The following CADPS variants were observed in gnomAD, a reference collection of about 807,000 sequenced individuals.
CADPS encodes calcium-dependent secretion activator 1.
A neutral mutation model predicts 167.3 loss-of-function variants in CADPS; 57 were observed. That is an observed-to-expected ratio of 0.34 (90% CI 0.28 to 0.42). CADPS has a LOEUF of 0.42. CADPS is among the 20% of genes least tolerant of loss of function. The pLI is 1.00. For synonymous variants in CADPS, 676 were observed against 635.3 expected (o/e 1.06, Z -0.96); for missense variants, 1,414 against 1,738.1 (o/e 0.81, Z 3.32).
intron 12 of CADPS, among the ~76,000 whole-genome samples, chr3:62,533,853 C>T (rs559831290): frequency 6.6e-6 from 1 of 152,182 alleles, no homozygotes; most frequent in African/African-American, 2.4e-5. Flanking sequence ...CTGAGAGGAA[C>T]TTCTTGTGTC....
intron 8 of CADPS, among the ~76,000 whole-genome samples, chr3:62,572,914 C>T (rs911686092): frequency 6.6e-6 from 1 of 152,132 alleles, no homozygotes; most frequent in African/African-American, 2.4e-5. Flanking sequence ...TGGAGTTGCA[C>T]TCCGTCACCC....
chr3:62,449,536 G>A (rs2057737359), intron 26 of CADPS, among the ~76,000 whole-genome samples: 1 of 151,828 alleles, frequency 6.6e-6, no homozygotes, highest in African/African-American at 2.4e-5. Flanking sequence ...ATGTCTTTTT[G>A]CCAGCTATAC....
In CADPS at chr3:62,465,239, T is replaced by G. The variant is rs949979453; in HGVS notation, c.3636+128A>C. On this transcript the variant is annotated intron_variant, in intron 26 of 29. Transcript: ENST00000383710. The surrounding 1 kb of genome is among the most constrained non-coding windows in gnomAD (Gnocchi z 4.1). ...TTGGCTTTTCACATAGTGTTAATAT[T>G]ATACAATAGTTGACTATAATTAACA... 24 of 621,962 alleles carry G rather than the reference T, an allele frequency of 3.9e-5. No homozygotes were observed. The highest frequency in any genetic ancestry group is 1.2e-4 in the Admixed American group (4 of 34,468). The allele number at this position is 621,962 out of a possible 1,614,324, so 38.5% of individuals were successfully genotyped here. A position where few individuals can be genotyped will look rare whatever the true frequency, so the allele number is the denominator to read the frequency against.
chr3:62,846,107 T>G (rs1475150076), intron 1 of CADPS, among the ~76,000 whole-genome samples: 1 of 152,040 alleles, frequency 6.6e-6, no homozygotes, highest in Non-Finnish European at 1.5e-5. Context: ...AAGACATTTT[T>G]GCTTCCCATT....
At chr3:62,688,453 T>C (rs913159503) in intron 3 of CADPS, among the ~76,000 whole-genome samples, 1 of 152,054 alleles carries the variant, frequency 6.6e-6, no homozygotes, top group African/African-American at 2.4e-5. Flanking sequence ...ACTGTTTTGC[T>C]ATTACTACCC....
intron 3 of CADPS, among the ~76,000 whole-genome samples, chr3:62,682,039 A>G (rs2077229965): frequency 6.6e-6 from 1 of 152,106 alleles, no homozygotes; most frequent in Non-Finnish European, 1.5e-5. Context: ...ATTAACTAAG[A>G]AATTCAAAGG....
intron 1 of CADPS, among the ~76,000 whole-genome samples, chr3:62,854,427 ATCAC>A (rs60150380): frequency 0.079 from 11,988 of 152,232 alleles, 1,091 homozygotes; most frequent in African/African-American, 0.22. Context: ...TAAGCTTCAA[ATCAC>A]TTCTCTGAAG....
At chr3:62,773,305 T>A (rs867361227) in intron 1 of CADPS, among the ~76,000 whole-genome samples, 11 of 152,136 alleles carry the variant, frequency 7.2e-5, no homozygotes, top group African/African-American at 2.7e-4. Context: ...ATAAAGTTCT[T>A]CTCACCTTTT....
chr3:62,855,754 T>C (rs2079554859), intron 1 of CADPS, among the ~76,000 whole-genome samples: 1 of 152,216 alleles, frequency 6.6e-6, no homozygotes, highest in Non-Finnish European at 1.5e-5. Flanking sequence ...GGTTCGCTGA[T>C]TGAAGTTTCA....
intron 10 of CADPS, among the ~76,000 whole-genome samples, chr3:62,553,473 C>G (rs1207159572): frequency 6.6e-6 from 1 of 152,176 alleles, no homozygotes; most frequent in Non-Finnish European, 1.5e-5. Flanking sequence ...TGGCTTTTGA[C>G]CTTGGCTGTT....
At chr3:62,821,415 T>C (rs1260855914) in intron 1 of CADPS, among the ~76,000 whole-genome samples, 2 of 152,150 alleles carry the variant, frequency 1.3e-5, no homozygotes, top group Non-Finnish European at 2.9e-5. Flanking sequence ...AGACTCAAGG[T>C]CTTGGCAGGT....
chr3:62,677,420 A>T (rs2076498771), intron 3 of CADPS, among the ~76,000 whole-genome samples: 1 of 152,150 alleles, frequency 6.6e-6, no homozygotes, highest in Non-Finnish European at 1.5e-5. Context: ...AGTAGTTATT[A>T]CTTGGATAGG....
At chr3:62,628,221 A>T (rs950810508) in intron 6 of CADPS, among the ~76,000 whole-genome samples, 1 of 152,204 alleles carries the variant, frequency 6.6e-6, no homozygotes, top group Non-Finnish European at 1.5e-5. Flanking sequence ...AACAGTGAAC[A>T]CTTCCTTAGC....
intron 6 of CADPS, among the ~76,000 whole-genome samples, chr3:62,618,604 T>G (rs2149430845): frequency 6.6e-6 from 1 of 152,320 alleles, no homozygotes; most frequent in East Asian, 1.9e-4. Context: ...GATTTTTCAT[T>G]TGCTTCTTCC....
At chr3:62,584,254 G>T (rs140716771) in intron 8 of CADPS, among the ~76,000 whole-genome samples, 3,288 of 152,112 alleles carry the variant, frequency 0.022, 121 homozygotes, top group African/African-American at 0.075. Flanking sequence ...TGATCCTCCC[G>T]TCTCGGCCTC....
rs369588901 is a variant in CADPS at position 62,827,483 on chromosome 3, C to T, written c.441+47106G>A. ...AGGATTTGAAAAGTTAATTAATTTG[C>T]CCAGGGTCCCAAAGCCAGTAAGGAA... On this transcript the variant is annotated intron_variant, in intron 1 of 29. Transcript: ENST00000383710. Among the ~76,000 whole-genome samples, 19 of 152,204 alleles carry T rather than the reference C, an allele frequency of 1.2e-4. No individual in the cohort carries two copies. The East Asian group carries it at 2.5e-3, about 20-fold the overall frequency.
chr3:62,527,117 G>T (rs1323606917), intron 13 of CADPS, among the ~76,000 whole-genome samples: 1 of 152,136 alleles, frequency 6.6e-6, no homozygotes, highest in Non-Finnish European at 1.5e-5. Context: ...TGATTTATGT[G>T]CACAATGAAG....
At chr3:62,732,103 GTAGGT>G (rs2078020174) in intron 3 of CADPS, among the ~76,000 whole-genome samples, 1 of 152,120 alleles carries the variant, frequency 6.6e-6, no homozygotes. Context: ...GGCATTTGTG[GTAGGT>G]AGCTTCTAAC....
chr3:62,493,353 A>G (rs779634357), intron 19 of CADPS, among the ~76,000 whole-genome samples: 5 of 152,208 alleles, frequency 3.3e-5, no homozygotes, highest in Non-Finnish European at 5.9e-5. Flanking sequence ...CCGATTTCAA[A>G]GAGAGCAGAA....
Sources: gnomAD v4.1 joint callset for allele counts (sites outside exome capture counted in the v4.1 genomes callset) on GRCh38, gnomAD v4.1.1 for gene constraint, Gnocchi (gnomAD v3.1) non-coding constraint, MANE v1.5 for transcripts, NCBI Gene and HGNC (gene_info 2026-07-23, HGNC 2026-07-21) for gene names.